The following SLC24A2 variants were observed in gnomAD, a reference collection of about 807,000 sequenced individuals.
The protein encoded by SLC24A2 is solute carrier family 24 member 2, also known as sodium/potassium/calcium exchanger 2.
A neutral mutation model predicts 62.0 loss-of-function variants in SLC24A2; 36 were observed. That is an observed-to-expected ratio of 0.58 (90% CI 0.44 to 0.77). SLC24A2 has a LOEUF of 0.77. Among genes scored for constraint, SLC24A2 ranks in the 30% least tolerant of loss-of-function variants. The pLI is 0.00. For missense variants in SLC24A2, 846 were observed against 817.9 expected (o/e 1.03, Z -0.42); for synonymous variants, 358 against 294.0 (o/e 1.22, Z -2.23).
At chr9:19,929,940 A>G in the SLC24A2 span, 1 of 148,370 alleles carries the variant, frequency 6.7e-6, no homozygotes, top group Admixed American at 6.6e-5. Context: ...AAAAAAGGTT[A>G]TAGAATAACG....
chr9:19,516,051 AG>A lies in SLC24A2; in HGVS notation c.*101del, dbSNP rs1832908309. ...CACCAAGGAGGGACACTTGGCACCCAGGGCTGTGTGCCAGCTGCCTCTTCTC... is the reference window on the plus strand; with the variant it reads ...CACCAAGGAGGGACACTTGGCACCCAGGCTGTGTGCCAGCTGCCTCTTCTC... On this transcript the variant is annotated 3_prime_UTR_variant, in exon 11 of 11. Coordinates refer to ENST00000341998, the MANE Select transcript of SLC24A2 (RefSeq NM_020344.4). 3 of 1,441,966 alleles carry A rather than the reference AG, an allele frequency of 2.1e-6. No individual in the cohort carries two copies. The highest frequency in any genetic ancestry group is 2.0e-6 in the Non-Finnish European group (2 of 1,025,042). 89.3% of individuals were successfully genotyped at this position (1,441,966 alleles called of 1,614,324 possible).
intron 4 of SLC24A2, among the ~76,000 whole-genome samples, chr9:19,612,252 A>G (rs1368524387): frequency 6.6e-6 from 1 of 152,224 alleles, no homozygotes; most frequent in East Asian, 1.9e-4. Context: ...TTTCTTAATA[A>G]CATTTAGCAT....
chr9:20,168,442 A>G, the SLC24A2 span, among the ~76,000 whole-genome samples: 1 of 152,000 alleles, frequency 6.6e-6, no homozygotes, highest in Non-Finnish European at 1.5e-5. Context: ...ATGAAAGAAA[A>G]TATTTAAAAA....
At chr9:19,799,301 A>T in the SLC24A2 span, among the ~76,000 whole-genome samples, 2 of 152,154 alleles carry the variant, frequency 1.3e-5, no homozygotes, top group African/African-American at 2.4e-5. Flanking sequence ...ACTTTGCTGA[A>T]GTATTTGCCT....
At chr9:19,792,034 TA>T (rs1823325526), upstream of SLC24A2, among the ~76,000 whole-genome samples, 1 of 152,198 alleles carries the variant, frequency 6.6e-6, no homozygotes, top group African/African-American at 2.4e-5. Flanking sequence ...TAAAAATCAC[TA>T]GGTCATACCT....
chr9:20,187,807 C>A, the SLC24A2 span, among the ~76,000 whole-genome samples: 1 of 152,158 alleles, frequency 6.6e-6, no homozygotes, highest in Non-Finnish European at 1.5e-5. Context: ...TATGGTCAGT[C>A]TCCCCTAGAC....
At chr9:19,525,798 C>A (rs574727413) in intron 9 of SLC24A2, among the ~76,000 whole-genome samples, 2 of 141,762 alleles carry the variant, frequency 1.4e-5, no homozygotes, top group South Asian at 4.4e-4. Context: ...TATAGCCAAC[C>A]TAGTGGTTGT....
chr9:19,550,048 T>C (rs1834767587), intron 8 of SLC24A2, 89 bp downstream of exon 8: 1 of 1,372,802 alleles, frequency 7.3e-7, no homozygotes, highest in Non-Finnish European at 1.0e-6. Context: ...TACTTCCTTT[T>C]TCCTTTTAAC....
the SLC24A2 span, among the ~76,000 whole-genome samples, chr9:20,248,980 G>A: frequency 2.0e-5 from 3 of 152,136 alleles, no homozygotes; most frequent in Admixed American, 2.0e-4. Context: ...AGCCTGCACA[G>A]GCCAGGGAGC....
At chr9:19,804,513 C>T in the SLC24A2 span, among the ~76,000 whole-genome samples, 2 of 152,166 alleles carry the variant, frequency 1.3e-5, no homozygotes, top group East Asian at 1.9e-4. Context: ...TACAAACTTG[C>T]TGAACCTGTT....
chr9:20,035,987 G>C, the SLC24A2 span, among the ~76,000 whole-genome samples: 3 of 152,168 alleles, frequency 2.0e-5, no homozygotes, highest in Non-Finnish European at 4.4e-5. Context: ...AAGAGAAAGA[G>C]AGAATGAATG....
At chr9:19,591,370 G>A (rs1356393363) in intron 5 of SLC24A2, among the ~76,000 whole-genome samples, 1 of 152,158 alleles carries the variant, frequency 6.6e-6, no homozygotes, top group Non-Finnish European at 1.5e-5. Flanking sequence ...TGTCCCTGTT[G>A]AGAAGAGACT....
At chr9:19,988,680 A>T in the SLC24A2 span, among the ~76,000 whole-genome samples, 1 of 152,210 alleles carries the variant, frequency 6.6e-6, no homozygotes, top group Non-Finnish European at 1.5e-5. Context: ...GACAGGGAAT[A>T]GGCAATGTCT....
At chr9:20,096,881 G>T in the SLC24A2 span, among the ~76,000 whole-genome samples, 1 of 152,058 alleles carries the variant, frequency 6.6e-6, no homozygotes, top group Non-Finnish European at 1.5e-5. Flanking sequence ...TTTTGGCTCT[G>T]TTACTGCCTC....
the SLC24A2 span, among the ~76,000 whole-genome samples, chr9:20,095,364 G>A: frequency 6.6e-6 from 1 of 152,108 alleles, no homozygotes; most frequent in African/African-American, 2.4e-5. Context: ...CTAGATATTT[G>A]GTCAAACATT....
intron 2 of SLC24A2, among the ~76,000 whole-genome samples, chr9:19,626,423 T>G (rs1476125182): frequency 2.0e-5 from 3 of 152,242 alleles, no homozygotes; most frequent in East Asian, 3.8e-4. Flanking sequence ...TAAGGGATTT[T>G]TTTTTGGTCA....
At chr9:20,289,502 G>C in the SLC24A2 span, among the ~76,000 whole-genome samples, 2 of 152,074 alleles carry the variant, frequency 1.3e-5, no homozygotes, top group Non-Finnish European at 2.9e-5. Flanking sequence ...GCCTGCCTTC[G>C]GATAAGTCAT....
chr9:19,767,390 G>C (rs1039915384), intron 2 of SLC24A2, among the ~76,000 whole-genome samples: 15 of 152,264 alleles, frequency 9.9e-5, no homozygotes, highest in African/African-American at 3.4e-4. Flanking sequence ...CTGCCCAAAT[G>C]GCCGTACAAT....
chr9:19,789,865 C>T (rs373624579), upstream of SLC24A2, among the ~76,000 whole-genome samples: 6 of 152,180 alleles, frequency 3.9e-5, no homozygotes, highest in African/African-American at 1.4e-4. Context: ...ATTTTCCCCT[C>T]TCCTTACCCT....
Sources: allele counts gnomAD v4.1 joint callset (sites outside exome capture counted in the v4.1 genomes callset), GRCh38; gene constraint gnomAD v4.1.1; transcripts MANE v1.5; gene names NCBI Gene and HGNC (gene_info 2026-07-23, HGNC 2026-07-21).